MGAT4C: variants seen among roughly 807,000 people sequenced by gnomAD.
MGAT4C encodes MGAT4 family member C, also known as alpha-1,3-mannosyl-glycoprotein 4-beta-N-acetylglucosaminyltransferase C.
In MGAT4C, 19 loss-of-function variants were observed where a neutral mutation model predicts 40.1. The ratio of observed to expected loss-of-function variants is 0.47; its 90% confidence interval spans 0.33 to 0.70. The LOEUF is 0.70. MGAT4C is among the 30% of genes least tolerant of loss of function. The pLI is 0.02. For synonymous variants in MGAT4C, 181 were observed against 187.1 expected (o/e 0.97, Z 0.27); for missense variants, 491 against 563.2 (o/e 0.87, Z 1.30).
At chr12:86,510,775 C>A (rs1383792075) in intron 2 of MGAT4C, among the ~76,000 whole-genome samples, 1 of 152,150 alleles carries the variant, frequency 6.6e-6, no homozygotes, top group African/African-American at 2.4e-5. Flanking sequence ...GGGATCAATT[C>A]AACAAGAAGA....
At chr12:86,531,524 C>T (rs747298232) in intron 2 of MGAT4C, among the ~76,000 whole-genome samples, 2 of 151,934 alleles carry the variant, frequency 1.3e-5, no homozygotes, top group Non-Finnish European at 1.5e-5. Flanking sequence ...CATTAGCAGT[C>T]AAAACAATGA....
intron 1 of MGAT4C, among the ~76,000 whole-genome samples, 159 bp from the exon 2 acceptor site, chr12:86,049,882 C>A (rs552531058): frequency 1.3e-5 from 2 of 151,812 alleles, no homozygotes; most frequent in African/African-American, 2.4e-5. Flanking sequence ...AAAATATAGA[C>A]CAAATATTTT....
intron 1 of MGAT4C, among the ~76,000 whole-genome samples, chr12:86,072,500 G>A (rs994863417): frequency 3.9e-5 from 6 of 152,062 alleles, no homozygotes. Context: ...ATTTATATCT[G>A]TAAGGCTCTT....
chr12:85,994,942 T>C (rs1886439471), intron 2 of MGAT4C, among the ~76,000 whole-genome samples: 1 of 152,142 alleles, frequency 6.6e-6, no homozygotes, highest in Non-Finnish European at 1.5e-5. Context: ...AAATGGTAAT[T>C]ATAAATGGAA....
At chr12:86,710,020 GATT>G (rs1342930207) in intron 2 of MGAT4C, among the ~76,000 whole-genome samples, 1 of 152,064 alleles carries the variant, frequency 6.6e-6, no homozygotes, top group Non-Finnish European at 1.5e-5. Flanking sequence ...AAATAAAGGT[GATT>G]ATGAGATCAT....
chr12:86,475,485 T>C (rs879698616), intron 2 of MGAT4C, among the ~76,000 whole-genome samples: 1 of 152,012 alleles, frequency 6.6e-6, no homozygotes, highest in Admixed American at 6.6e-5. Flanking sequence ...TTGGAATAAC[T>C]GCATAATTTC....
At chr12:86,461,224 T>C (rs901922722) in intron 2 of MGAT4C, among the ~76,000 whole-genome samples, 22 of 151,450 alleles carry the variant, frequency 1.5e-4, no homozygotes, top group Admixed American at 1.2e-3. Context: ...TTTAACAAAA[T>C]TTACACATCT....
At chr12:86,322,237 G>A (rs191894488) in intron 4 of MGAT4C, among the ~76,000 whole-genome samples, 1 of 110,274 alleles carries the variant, frequency 9.1e-6, no homozygotes, top group Non-Finnish European at 1.8e-5. Context: ...GTGGGGGGAG[G>A]GGGGAGGGAG....
intron 2 of MGAT4C, among the ~76,000 whole-genome samples, chr12:86,629,617 C>A (rs1188865844): frequency 6.6e-6 from 1 of 152,180 alleles, no homozygotes; most frequent in East Asian, 1.9e-4. Context: ...AACCGCCCAA[C>A]TACATGGAAA....
At chr12:86,451,621 T>A (rs2136287522) in intron 2 of MGAT4C, among the ~76,000 whole-genome samples, 1 of 152,246 alleles carries the variant, frequency 6.6e-6, no homozygotes, top group Admixed American at 6.5e-5. Flanking sequence ...CACAAGTGGC[T>A]CTTTGATTTT....
chr12:86,802,530 T>A (rs1269873458), intron 1 of MGAT4C, among the ~76,000 whole-genome samples: 1 of 152,022 alleles, frequency 6.6e-6, no homozygotes, highest in Admixed American at 6.6e-5. Context: ...AAAATAATAA[T>A]GCTATTCTAT....
chr12:86,416,567 C>CT (rs1311193271), intron 3 of MGAT4C, among the ~76,000 whole-genome samples: 1 of 151,918 alleles, frequency 6.6e-6, no homozygotes, highest in Admixed American at 6.6e-5. Flanking sequence ...CACATTTGGC[C>CT]AGGTTAAGGT....
At chr12:86,185,466 C>A (rs1325842395) in intron 1 of MGAT4C, among the ~76,000 whole-genome samples, 1 of 152,070 alleles carries the variant, frequency 6.6e-6, no homozygotes, top group Non-Finnish European at 1.5e-5. Flanking sequence ...TTTAGCAAGT[C>A]TTGGGAGCAC....
intron 2 of MGAT4C, among the ~76,000 whole-genome samples, chr12:86,528,090 G>T (rs563038592): frequency 6.6e-6 from 1 of 152,196 alleles, no homozygotes; most frequent in East Asian, 1.9e-4. Context: ...AAGATAACAT[G>T]ATCTCACATA....
intron 1 of MGAT4C, among the ~76,000 whole-genome samples, chr12:86,153,831 C>T (rs938157360): frequency 1.1e-4 from 17 of 152,146 alleles, no homozygotes; most frequent in Non-Finnish European, 1.0e-4. Context: ...AAACCTCATT[C>T]CTTTGTAAAT....
At chr12:86,752,728 AG>A (rs1442747067) in intron 1 of MGAT4C, among the ~76,000 whole-genome samples, 2 of 152,150 alleles carry the variant, frequency 1.3e-5, no homozygotes, top group Admixed American at 1.3e-4. Flanking sequence ...ATAACAGAAT[AG>A]AAAGTCCAGA....
chr12:86,816,517 A>G (rs1952609718), intron 1 of MGAT4C, among the ~76,000 whole-genome samples: 2 of 151,760 alleles, frequency 1.3e-5, no homozygotes, highest in Non-Finnish European at 2.9e-5. Flanking sequence ...ACTGACCTAA[A>G]CAAGCTTTAA....
intron 3 of MGAT4C, among the ~76,000 whole-genome samples, chr12:86,343,069 A>T (rs1381423518): frequency 2.0e-5 from 3 of 152,164 alleles, no homozygotes; most frequent in Middle Eastern, 3.4e-3. Flanking sequence ...GTCACTAACG[A>T]CTCAGGATTC....
At chr12:86,377,532 CAACAATG>C (rs1278636290) in intron 3 of MGAT4C, among the ~76,000 whole-genome samples, 4 of 152,096 alleles carry the variant, frequency 2.6e-5, no homozygotes, top group African/African-American at 9.7e-5. Context: ...GCTTTAATCC[CAACAATG>C]AACTATTAAA....
Sources: gnomAD v4.1 joint callset for allele counts (sites outside exome capture counted in the v4.1 genomes callset) on GRCh38, gnomAD v4.1.1 for gene constraint, MANE v1.5 for transcripts, NCBI Gene and HGNC (gene_info 2026-07-23, HGNC 2026-07-21) for gene names.